The following BBOF1 variants were observed in gnomAD, a reference collection of about 807,000 sequenced individuals.
The protein encoded by BBOF1 is basal body orientation factor 1.
A neutral mutation model predicts 68.0 loss-of-function variants in BBOF1; 62 were observed. The observed-to-expected ratio is 0.91, with a 90% CI of 0.74 to 1.13. The LOEUF (loss-of-function observed/expected upper bound fraction) is 1.13, where lower values mean the gene tolerates loss of function less well. Among genes scored for constraint, BBOF1 ranks in the 50% most tolerant of loss-of-function variants. BBOF1 has a pLI of 0.00. For synonymous variants in BBOF1, 208 were observed against 198.8 expected, an observed-to-expected ratio of 1.05 and a Z score of -0.39; for missense variants, 534 against 600.1, an observed-to-expected ratio of 0.89 and a Z score of 1.15.
intron 4 of BBOF1, among the ~76,000 whole-genome samples, chr14:74,037,970 G>C (rs1249203874): frequency 6.6e-6 from 1 of 150,696 alleles, no homozygotes; most frequent in Non-Finnish European, 1.5e-5. Flanking sequence ...AAAAAAAAAA[G>C]GAATAATTTT....
At chr14:74,082,406 T>G (rs1456600864) in intron 12 of BBOF1, among the ~76,000 whole-genome samples, 1 of 141,042 alleles carries the variant, frequency 7.1e-6, no homozygotes, top group African/African-American at 2.7e-5. Flanking sequence ...TTTTTTTTTT[T>G]TTTTTTTTTT....
intron 9 of BBOF1, chr14:74,072,563 C>T: frequency 6.2e-7 from 1 of 1,614,090 alleles, no homozygotes; most frequent in East Asian, 2.2e-5. Context: ...ATCCATTTGT[C>T]ACTTTTGGAT....
downstream of BBOF1, chr14:74,069,249 AC>A (rs533593667): frequency 5.5e-4 from 207 of 376,962 alleles, 1 homozygote; most frequent in African/African-American, 3.8e-3. Flanking sequence ...GATTATAGGC[AC>A]CCACCACCAT....
intron 11 of BBOF1, chr14:74,060,638 G>C (rs1360248661): frequency 6.3e-7 from 1 of 1,599,198 alleles, no homozygotes; most frequent in South Asian, 1.1e-5. Flanking sequence ...AAACAAACTT[G>C]TTTCTAACGG....
At chr14:74,039,572 G>A (rs1428040100) in intron 4 of BBOF1, among the ~76,000 whole-genome samples, 2 of 151,294 alleles carry the variant, frequency 1.3e-5, no homozygotes, top group Non-Finnish European at 1.5e-5. Context: ...GGGATTACAG[G>A]CATGTGGCAT....
At chr14:74,038,918 GA>G (rs2059770378) in intron 4 of BBOF1, among the ~76,000 whole-genome samples, 1 of 151,714 alleles carries the variant, frequency 6.6e-6, no homozygotes, top group African/African-American at 2.4e-5. Context: ...AGAAAGAAAT[GA>G]AAAAGAAAAA....
chr14:74,022,146 G>C (rs1444393510), intron 1 of BBOF1, among the ~76,000 whole-genome samples: 2 of 152,120 alleles, frequency 1.3e-5, no homozygotes, highest in Non-Finnish European at 1.5e-5. Context: ...GGCCAAGGTG[G>C]GAGGATACTT....
chr14:74,031,381 G>A (rs2059565463), intron 3 of BBOF1, among the ~76,000 whole-genome samples: 1 of 152,086 alleles, frequency 6.6e-6, no homozygotes, highest in Admixed American at 6.6e-5. Context: ...CCAAAGTGTT[G>A]GAATTATAGG....
intron 2 of BBOF1, among the ~76,000 whole-genome samples, chr14:74,028,279 G>T (rs1454328511): frequency 6.6e-6 from 1 of 152,106 alleles, no homozygotes; most frequent in East Asian, 1.9e-4. Context: ...AGAGGCAGGA[G>T]AATTGCTTTA....
intron 9 of BBOF1, chr14:74,071,841 C>T (rs1427747767): frequency 1.3e-6 from 2 of 1,578,742 alleles, no homozygotes; most frequent in African/African-American, 2.7e-5. Flanking sequence ...GCGATCTTTG[C>T]CTCCCATCTT....
chr14:74,057,742 G>A, intron 11 of BBOF1: 1 of 1,160,628 alleles, frequency 8.6e-7, no homozygotes, highest in Admixed American at 4.0e-5. Flanking sequence ...TTCAAATGAA[G>A]CCACATTAGA....
intron 9 of BBOF1, among the ~76,000 whole-genome samples, chr14:74,077,168 TC>T (rs1441056267): frequency 6.6e-6 from 1 of 152,180 alleles, no homozygotes; most frequent in Admixed American, 6.6e-5. Context: ...ATAGCTATGT[TC>T]CCAATACCAA....
At chr14:74,072,225 T>C (rs763684553) in intron 9 of BBOF1, 2 of 1,614,206 alleles carry the variant, frequency 1.2e-6, no homozygotes, top group Admixed American at 3.3e-5. Flanking sequence ...AATAAGTTGT[T>C]GATAGCGGAG....
intron 1 of BBOF1, among the ~76,000 whole-genome samples, chr14:74,020,543 G>A (rs1417957605): frequency 6.6e-6 from 1 of 150,636 alleles, no homozygotes; most frequent in Non-Finnish European, 1.5e-5. Flanking sequence ...TGCTCTTGTT[G>A]CCCAAGCCGG....
chr14:74,067,522 A>T (rs1291727640), downstream of BBOF1: 2 of 1,613,958 alleles, frequency 1.2e-6, no homozygotes, highest in Non-Finnish European at 1.7e-6. Context: ...GGTTCAGGGT[A>T]TTTTCCTTAT....
chr14:74,041,245 G>A (rs2059820065), intron 5 of BBOF1, among the ~76,000 whole-genome samples: 2 of 152,150 alleles, frequency 1.3e-5, no homozygotes, highest in African/African-American at 4.8e-5. Context: ...AGAGGTTGCA[G>A]TGAGGCGATA....
intron 12 of BBOF1, among the ~76,000 whole-genome samples, chr14:74,082,360 A>G (rs1314946836): frequency 7.1e-6 from 1 of 140,582 alleles, no homozygotes; most frequent in East Asian, 2.3e-4. Flanking sequence ...TCCTTTTGAT[A>G]GTTCTCTAAT....
chr14:74,059,083 TCA>T (rs1491159789), intron 11 of BBOF1: 12 of 79,740 alleles, frequency 1.5e-4, no homozygotes, highest in African/African-American at 6.3e-4. Flanking sequence ...AAACTCCATC[TCA>T]AAAAAAAAAA....
intron 5 of BBOF1, among the ~76,000 whole-genome samples, chr14:74,041,581 T>G (rs1328525285): frequency 6.6e-6 from 1 of 152,118 alleles, no homozygotes; most frequent in Non-Finnish European, 1.5e-5. Context: ...GACAGGGTCT[T>G]GTCTGTCGCC....
Sources: allele counts gnomAD v4.1 joint callset (sites outside exome capture counted in the v4.1 genomes callset), GRCh38; gene constraint gnomAD v4.1.1; transcripts MANE v1.5; gene names NCBI Gene and HGNC (gene_info 2026-07-23, HGNC 2026-07-21).